The following SOX5 variants were observed in gnomAD, a reference collection of about 807,000 sequenced individuals.
The protein encoded by SOX5 is transcription factor SOX-5.
In SOX5, 9 loss-of-function variants were observed where a neutral mutation model predicts 92.0. The observed-to-expected ratio is 0.10, with a 90% CI of 0.06 to 0.17. The LOEUF (loss-of-function observed/expected upper bound fraction) is 0.17. Ranked by LOEUF, SOX5 falls within the 10% of genes least tolerant of loss-of-function variation. The pLI, the probability that SOX5 is intolerant of heterozygous loss-of-function variation, is 1.00. For missense variants in SOX5, 642 were observed against 944.5 expected, an observed-to-expected ratio of 0.68 and a Z score of 4.20; for synonymous variants, 344 against 336.3, an observed-to-expected ratio of 1.02 and a Z score of -0.25.
intron 4 of SOX5, among the ~76,000 whole-genome samples, chr12:24,130,023 G>T (rs947928712): frequency 1.2e-4 from 18 of 152,112 alleles, no homozygotes; most frequent in Non-Finnish European, 2.5e-4. Flanking sequence ...ATTTAAGATA[G>T]TGTATATTGC....
At chr12:23,881,223 G>T (rs918688067) in intron 2 of SOX5, among the ~76,000 whole-genome samples, 2 of 152,070 alleles carry the variant, frequency 1.3e-5, no homozygotes, top group African/African-American at 4.8e-5. Flanking sequence ...CTGCTATCCG[G>T]GGACATGCTC....
intron 3 of SOX5, among the ~76,000 whole-genome samples, chr12:24,250,785 T>C (rs1450376603): frequency 1.3e-5 from 2 of 152,192 alleles, no homozygotes; most frequent in Non-Finnish European, 2.9e-5. Flanking sequence ...AGAAGACAGA[T>C]GCCAAGGTCT....
chr12:23,601,969 C>T (rs2074559155), intron 9 of SOX5, among the ~76,000 whole-genome samples: 1 of 152,060 alleles, frequency 6.6e-6, no homozygotes, highest in African/African-American at 2.4e-5. Flanking sequence ...TGAAAAGAGG[C>T]ACTTTATTCT....
At chr12:24,413,926 A>G (rs1157968312) in intron 1 of SOX5, among the ~76,000 whole-genome samples, 1 of 152,252 alleles carries the variant, frequency 6.6e-6, no homozygotes, top group Non-Finnish European at 1.5e-5. Flanking sequence ...GAGTGTGTGC[A>G]AAAGAGACTG....
intron 2 of SOX5, among the ~76,000 whole-genome samples, chr12:24,360,224 C>G (rs1426708878): frequency 2.0e-5 from 3 of 152,168 alleles, no homozygotes; most frequent in African/African-American, 4.8e-5. Flanking sequence ...CACAGGATGT[C>G]ACTATTCCCT....
intron 4 of SOX5, among the ~76,000 whole-genome samples, chr12:24,093,832 T>C (rs1184663825): frequency 6.6e-6 from 1 of 152,194 alleles, no homozygotes; most frequent in Non-Finnish European, 1.5e-5. Flanking sequence ...TGTACCAGTT[T>C]CTACTGCCAC....
intron 11 of SOX5, among the ~76,000 whole-genome samples, chr12:23,559,074 G>A (rs560370733): frequency 6.6e-6 from 1 of 152,268 alleles, no homozygotes; most frequent in African/African-American, 2.4e-5. Flanking sequence ...AGTGCACTGG[G>A]CCTCTATTGT....
At chr12:23,717,753 G>A (rs1404820956) in intron 6 of SOX5, among the ~76,000 whole-genome samples, 1 of 152,096 alleles carries the variant, frequency 6.6e-6, no homozygotes, top group African/African-American at 2.4e-5. Context: ...TGGAGAGAAG[G>A]GATGAGTACT....
At chr12:23,805,544 T>C (rs1247352448) in intron 3 of SOX5, among the ~76,000 whole-genome samples, 2 of 152,212 alleles carry the variant, frequency 1.3e-5, no homozygotes, top group Non-Finnish European at 2.9e-5. Flanking sequence ...GCTTCTTTTA[T>C]TCCTATTCCC....
At chr12:23,844,139 G>A (rs2096548917) in intron 3 of SOX5, among the ~76,000 whole-genome samples, 1 of 152,174 alleles carries the variant, frequency 6.6e-6, no homozygotes, top group South Asian at 2.1e-4. Context: ...AAATCATCTG[G>A]CAACACAACG....
intron 1 of SOX5, among the ~76,000 whole-genome samples, chr12:24,432,710 G>C (rs1938593091): frequency 6.6e-6 from 1 of 152,060 alleles, no homozygotes; most frequent in South Asian, 2.1e-4. Flanking sequence ...TATTAGGAAG[G>C]CTGAGGCAGA....
rs57192965 is a variant in SOX5, at chr12:24,370,476, C to CAA, written c.-250-1839_-250-1838dup. On this transcript the variant is annotated intron_variant, in intron 1 of 4. Transcript: ENST00000446891. Reference sequence around the variant, plus strand: ...TGGGCGACACTGCAAGACTCCGTCTCAAAAAAAAAAAAAAAAAAAGATGTA... The same window carrying CAA: ...TGGGCGACACTGCAAGACTCCGTCTCAAAAAAAAAAAAAAAAAAAAAGATGTA... Among the ~76,000 whole-genome samples, 322 of 79,696 alleles carry CAA rather than the reference C, an allele frequency of 4.0e-3. 9 individuals are homozygous for CAA. Among genetic ancestry groups the CAA allele is most frequent in the African/African-American group, 0.012 (232 of 19,960 alleles). 52.3% of individuals were successfully genotyped at this position (79,696 alleles called of 152,430 possible).
At chr12:23,824,508 G>T (rs912429366) in intron 3 of SOX5, among the ~76,000 whole-genome samples, 2 of 152,176 alleles carry the variant, frequency 1.3e-5, no homozygotes, top group Non-Finnish European at 2.9e-5. Context: ...TCCCAGAGGG[G>T]CAGAGCCAGC....
intron 6 of SOX5, among the ~76,000 whole-genome samples, chr12:23,673,545 T>C: frequency 6.6e-6 from 1 of 152,294 alleles, no homozygotes. Context: ...TGAAATATAA[T>C]ATAGTTTTCA....
intron 1 of SOX5, among the ~76,000 whole-genome samples, chr12:24,527,451 T>G (rs1950816590): frequency 1.3e-5 from 2 of 152,224 alleles, no homozygotes. Flanking sequence ...TCCTTGCCAG[T>G]TTATCTACAA....
Position 23,558,386 on chromosome 12 carries a change from A to G in SOX5, c.1488+4872T>C, listed in dbSNP as rs143084417. Among the ~76,000 whole-genome samples, 672 of 152,338 alleles carry G rather than the reference A, an allele frequency of 4.4e-3. 2 individuals are homozygous for G. Among genetic ancestry groups the G allele is most frequent in the African/African-American group, 0.015 (627 of 41,574 alleles). On this transcript the variant is annotated intron_variant, in intron 11 of 14. Transcript: ENST00000451604. ...GAGAAGAGGAATGAAATACCCCCGT[A>G]TGAATGAAGACTGAAGTTAGCAAAG...
intron 9 of SOX5, among the ~76,000 whole-genome samples, chr12:23,577,176 C>CACACATATATAT (rs1273547543): frequency 2.6e-5 from 2 of 76,962 alleles, no homozygotes; most frequent in African/African-American, 9.5e-5. Flanking sequence ...CACACACACA[C>CACACATATATAT]ATATATATAT....
chr12:23,595,317 A>C (rs1473381653), intron 9 of SOX5, among the ~76,000 whole-genome samples: 4 of 151,998 alleles, frequency 2.6e-5, no homozygotes, highest in African/African-American at 9.7e-5. Context: ...TGAAATCTGA[A>C]GAACTTCTTA....
chr12:24,201,460 G>T (rs1957511913), intron 4 of SOX5, among the ~76,000 whole-genome samples: 2 of 152,118 alleles, frequency 1.3e-5, no homozygotes, highest in South Asian at 2.1e-4. Flanking sequence ...GGTCTACAGT[G>T]CAAGTCCATT....
Sources: allele counts gnomAD v4.1 joint callset (sites outside exome capture counted in the v4.1 genomes callset), GRCh38; gene constraint gnomAD v4.1.1; transcripts MANE v1.5; gene names NCBI Gene and HGNC (gene_info 2026-07-23, HGNC 2026-07-21).